Variants in SPATS2L observed in about 807,000 individuals in gnomAD.
SPATS2L encodes spermatogenesis associated serine rich 2 like.
SPATS2L carries 30 observed loss-of-function variants against 59.6 expected under a neutral mutation model. The observed-to-expected ratio is 0.50, with a 90% CI of 0.38 to 0.68. The LOEUF (loss-of-function observed/expected upper bound fraction) is 0.68, where lower values mean the gene tolerates loss of function less well. Ranked by LOEUF, SPATS2L falls within the 30% of genes least tolerant of loss-of-function variation. The pLI, the probability that SPATS2L is intolerant of heterozygous loss-of-function variation, is 0.00. For synonymous variants in SPATS2L, 252 were observed against 263.5 expected, an observed-to-expected ratio of 0.96 and a Z score of 0.42; for missense variants, 615 against 700.0, an observed-to-expected ratio of 0.88 and a Z score of 1.37.
At chr2:200,437,565 A>G (rs1370718979) in intron 6 of SPATS2L, among the ~76,000 whole-genome samples, 2 of 152,214 alleles carry the variant, frequency 1.3e-5, no homozygotes, top group African/African-American at 2.4e-5. Context: ...TAATATCACT[A>G]AGGATAAAAT....
At chr2:200,469,253 C>G (rs1448541927) in intron 10 of SPATS2L, among the ~76,000 whole-genome samples, 1 of 152,230 alleles carries the variant, frequency 6.6e-6, no homozygotes, top group African/African-American at 2.4e-5. Context: ...AAAGCACCAA[C>G]CACATTCCAC....
At chr2:200,311,144 A>C (rs1039661093) in intron 1 of SPATS2L, among the ~76,000 whole-genome samples, 8 of 152,224 alleles carry the variant, frequency 5.3e-5, no homozygotes, top group Admixed American at 5.2e-4. Flanking sequence ...TGAACTGCTC[A>C]CCATTGGGTC....
At chr2:200,350,143 G>A (rs75032877) in intron 2 of SPATS2L, among the ~76,000 whole-genome samples, 4,577 of 152,254 alleles carry the variant, frequency 0.03, 87 homozygotes, top group Middle Eastern at 0.076. Flanking sequence ...TGGTTGCGTG[G>A]CTACGGTGAG....
intron 2 of SPATS2L, among the ~76,000 whole-genome samples, chr2:200,348,886 A>G (rs770000389): frequency 4.1e-4 from 55 of 135,124 alleles, no homozygotes; most frequent in African/African-American, 1.2e-3. Flanking sequence ...TTTCATTAAG[A>G]AAAAAAAAAA....
At chr2:200,357,721 CT>C (rs1326044937) in intron 2 of SPATS2L, among the ~76,000 whole-genome samples, 29 of 152,178 alleles carry the variant, frequency 1.9e-4, no homozygotes, top group South Asian at 8.3e-4. Context: ...AGTACATTGA[CT>C]TGGTTTAGAT....
In SPATS2L at chr2:200,467,337, C is replaced by T. The variant is rs777089153; in HGVS notation, c.895C>T (p.Leu299Phe). The T allele has an allele frequency of 6.2e-7, 1 of 1,614,032 alleles. No homozygotes were observed. The highest frequency in any genetic ancestry group is 8.5e-7 in the Non-Finnish European group (1 of 1,179,876). ...RQKKAEELKRLTDLASQMAEM... is the reference protein window; with the variant it reads ...RQKKAEELKRFTDLASQMAEM... ...GAAGAAAGCAGAAGAACTAAAGAGA[C>T]TCACTGACCTTGCCAGTCAGATGGC... Residue 299 changes from leucine to phenylalanine, a missense_variant, in exon 10 of 13, where the codon CTC (leucine) becomes TTC (phenylalanine). This residue lies in a region of SPATS2L where 104 missense variants were observed against 162.5 expected (regional missense o/e 0.64). Transcript: ENST00000409140.
At chr2:200,306,540 G>A, upstream of SPATS2L, 1 of 1,002,386 alleles carries the variant, frequency 1.0e-6, no homozygotes, top group African/African-American at 1.7e-5. Flanking sequence ...CCCGAGAGAG[G>A]CGTGAGCAGC....
At chr2:200,324,696 T>C (rs2079676999) in intron 1 of SPATS2L, among the ~76,000 whole-genome samples, 2 of 152,180 alleles carry the variant, frequency 1.3e-5, no homozygotes, top group Admixed American at 1.3e-4. Context: ...TGTTGTACTT[T>C]CTATACAATA....
At chr2:200,341,399 C>G (rs2080320693) in intron 2 of SPATS2L, among the ~76,000 whole-genome samples, 1 of 152,130 alleles carries the variant, frequency 6.6e-6, no homozygotes, top group Admixed American at 6.5e-5. Context: ...ACTTACCTTA[C>G]TAAATTGTGA....
intron 6 of SPATS2L, among the ~76,000 whole-genome samples, chr2:200,423,082 G>A (rs191645860): frequency 6.6e-6 from 1 of 152,302 alleles, no homozygotes; most frequent in East Asian, 1.9e-4. Flanking sequence ...GTAGGACAGA[G>A]TGAGATGGCA....
intron 8 of SPATS2L, among the ~76,000 whole-genome samples, chr2:200,441,664 G>A (rs944728697): frequency 3.3e-5 from 5 of 152,012 alleles, no homozygotes; most frequent in African/African-American, 1.2e-4. Flanking sequence ...TCTCTTTGTG[G>A]TAGCAAAGAT....
chr2:200,389,368 G>A, intron 3 of SPATS2L, 85 bp downstream of exon 3: 1 of 955,222 alleles, frequency 1.0e-6, no homozygotes, highest in Non-Finnish European at 1.6e-6. Context: ...TTACAGTGGA[G>A]AAAGGGAAAG....
At chr2:200,455,929 G>A (rs1474454089) in intron 8 of SPATS2L, among the ~76,000 whole-genome samples, 1 of 152,196 alleles carries the variant, frequency 6.6e-6, no homozygotes, top group African/African-American at 2.4e-5. Flanking sequence ...TGGGCATTTA[G>A]AAGGATTTAG....
intron 9 of SPATS2L, among the ~76,000 whole-genome samples, chr2:200,464,446 C>A (rs1267751976): frequency 6.6e-6 from 1 of 152,166 alleles, no homozygotes; most frequent in East Asian, 1.9e-4. Flanking sequence ...CCATTTATAT[C>A]TATTTCTACA....
intron 1 of SPATS2L, among the ~76,000 whole-genome samples, chr2:200,318,893 A>G (rs1261241253): frequency 6.6e-6 from 1 of 152,234 alleles, no homozygotes; most frequent in Non-Finnish European, 1.5e-5. Context: ...TTATGAAGCC[A>G]AATAATGCTA....
At chr2:200,394,074 A>G (rs1238173169) in intron 3 of SPATS2L, among the ~76,000 whole-genome samples, 3 of 152,250 alleles carry the variant, frequency 2.0e-5, no homozygotes, top group African/African-American at 7.2e-5. Context: ...GAAACTTAAA[A>G]TTGACAATCA....
intron 3 of SPATS2L, among the ~76,000 whole-genome samples, chr2:200,403,358 C>T (rs1177823066): frequency 6.6e-6 from 1 of 152,158 alleles, no homozygotes; most frequent in Non-Finnish European, 1.5e-5. Flanking sequence ...CACGTTTACT[C>T]TATAAAGATG....
chr2:200,365,101 G>A (rs1321024718), intron 2 of SPATS2L, among the ~76,000 whole-genome samples: 3 of 152,158 alleles, frequency 2.0e-5, no homozygotes, highest in African/African-American at 7.2e-5. Context: ...TCTTTGCTGG[G>A]TCAGTCAGAT....
chr2:200,479,810 T>A lies in SPATS2L; in HGVS notation c.*1779T>A. On this transcript the variant is annotated 3_prime_UTR_variant, in exon 13 of 13. Transcript: ENST00000409140. ...CCTGCAAGCCACGCAAGCATCTGTT[T>A]CTTCTTTTGCCAAGTACAGGAGGAT... is the stretch of plus-strand genomic sequence containing the variant. The A allele has an allele frequency of 2.5e-6, 1 of 398,588 alleles. No homozygotes were observed. The highest frequency in any genetic ancestry group is 4.4e-6 in the Non-Finnish European group (1 of 226,086). The allele number at this position is 398,588 out of a possible 1,614,324, so 24.7% of individuals were successfully genotyped here.
Sources: allele counts gnomAD v4.1 joint callset (sites outside exome capture counted in the v4.1 genomes callset), GRCh38; gene constraint gnomAD v4.1.1; regional missense constraint gnomAD v4.1.1; transcripts MANE v1.5; gene names NCBI Gene and HGNC (gene_info 2026-07-23, HGNC 2026-07-21).